Variants in SPTLC2 observed in about 807,000 individuals in gnomAD.
SPTLC2 encodes the protein serine palmitoyltransferase long chain base subunit 2.
In SPTLC2, 21 loss-of-function variants were observed where a neutral mutation model predicts 62.0. The observed-to-expected ratio is 0.34, with a 90% confidence interval of 0.24 to 0.49. SPTLC2 has a LOEUF of 0.49. Ranked by LOEUF, SPTLC2 falls within the 20% of genes least tolerant of loss-of-function variation. The pLI is 0.99. For synonymous variants in SPTLC2, 261 were observed against 261.8 expected, an observed-to-expected ratio of 1.00 and a Z score of 0.03; for missense variants, 511 against 713.0, an observed-to-expected ratio of 0.72 and a Z score of 3.23.
chr14:77,581,101 G>A (rs1479833950), intron 2 of SPTLC2, among the ~76,000 whole-genome samples: 2 of 152,174 alleles, frequency 1.3e-5, no homozygotes, highest in South Asian at 4.1e-4. Flanking sequence ...ACAAGAAAAC[G>A]AAACTACAGT....
chr14:77,582,028 T>C (rs1198316865), intron 2 of SPTLC2, among the ~76,000 whole-genome samples: 1 of 151,158 alleles, frequency 6.6e-6, no homozygotes, highest in African/African-American at 2.4e-5. Flanking sequence ...CAGTACTGAT[T>C]ATCTCATTTC....
At chr14:77,522,349 G>A (rs1003085186) in intron 9 of SPTLC2, among the ~76,000 whole-genome samples, 4 of 152,080 alleles carry the variant, frequency 2.6e-5, no homozygotes, top group African/African-American at 9.7e-5. Context: ...TTTTAGTAGA[G>A]ACAGGGTTTC....
At chr14:77,516,764 A>AG (rs2079361478) in intron 11 of SPTLC2, among the ~76,000 whole-genome samples, 1 of 152,242 alleles carries the variant, frequency 6.6e-6, no homozygotes, top group African/African-American at 2.4e-5. Flanking sequence ...ATTTGTTAAG[A>AG]GGACAGATCT....
chr14:77,560,831 G>T (rs1031345853), intron 6 of SPTLC2, among the ~76,000 whole-genome samples: 8 of 151,692 alleles, frequency 5.3e-5, no homozygotes, highest in African/African-American at 1.9e-4. Flanking sequence ...ACACGACTAA[G>T]GGAACAACAG....
At chr14:77,524,483 C>A (rs1314209413) in intron 9 of SPTLC2, among the ~76,000 whole-genome samples, 1 of 151,482 alleles carries the variant, frequency 6.6e-6, no homozygotes, top group Non-Finnish European at 1.5e-5. Context: ...ATGGAACTAC[C>A]ATACAATCCA....
chr14:77,576,527 C>G (rs1432634484), intron 4 of SPTLC2, among the ~76,000 whole-genome samples: 1 of 152,168 alleles, frequency 6.6e-6, no homozygotes. Flanking sequence ...CAAACACTGG[C>G]AGGATTTTTC....
At chr14:77,551,991 C>G (rs555700001) in intron 9 of SPTLC2, 105 bp downstream of exon 9, 11 of 1,511,700 alleles carry the variant, frequency 7.3e-6, no homozygotes, top group Middle Eastern at 3.4e-4. Context: ...CCAGCTCTGC[C>G]TATTAGTAAA....
intron 4 of SPTLC2, among the ~76,000 whole-genome samples, chr14:77,570,940 G>T (rs1459026364): frequency 6.6e-6 from 1 of 152,136 alleles, no homozygotes; most frequent in Non-Finnish European, 1.5e-5. Context: ...ATGGAAGGAG[G>T]AGAGAAAGAC....
intron 9 of SPTLC2, among the ~76,000 whole-genome samples, chr14:77,533,167 G>A (rs1009160146): frequency 1.3e-5 from 2 of 152,014 alleles, no homozygotes; most frequent in African/African-American, 2.4e-5. Flanking sequence ...GGGCGTGGTG[G>A]TGCACGCCTG....
chr14:77,524,834 T>C (rs1040028668), intron 9 of SPTLC2, among the ~76,000 whole-genome samples: 2 of 152,144 alleles, frequency 1.3e-5, no homozygotes, highest in African/African-American at 4.8e-5. Flanking sequence ...AGAACAGTGG[T>C]TACCAGAGGC....
rs1213548043 is a variant in SPTLC2, at chr14:77,509,508, G to A, written c.*2776C>T. 2.2e-5 allele frequency: 4 copies of A among 183,234 alleles called. No homozygotes were observed. The highest frequency in any genetic ancestry group is 4.5e-5 in the Non-Finnish European group (4 of 88,948). The allele number at this position is 183,234 out of a possible 1,614,324, so 11.4% of individuals were successfully genotyped here. A position where few individuals can be genotyped will look rare whatever the true frequency, so the allele number is the denominator to read the frequency against. ...AGGACTAGTCACACCTCTATCAATC[G>A]ACTCAGATGATCAGTTTTGGTAGTC... On this transcript the variant is annotated 3_prime_UTR_variant, in exon 12 of 12. Coordinates refer to ENST00000216484, the MANE Select transcript of SPTLC2 (RefSeq NM_004863.4).
intron 1 of SPTLC2, among the ~76,000 whole-genome samples, chr14:77,600,645 G>T (rs1245262750): frequency 6.6e-6 from 1 of 152,136 alleles, no homozygotes; most frequent in Non-Finnish European, 1.5e-5. Context: ...GTATCAGTCT[G>T]TTCACAGTCT....
intron 1 of SPTLC2, among the ~76,000 whole-genome samples, chr14:77,606,098 G>A (rs527297738): frequency 1.1e-4 from 16 of 152,310 alleles, no homozygotes; most frequent in East Asian, 3.9e-4. Context: ...TTGGGAGGCC[G>A]AGGCAGGCTG....
chr14:77,534,217 C>CGT (rs1177964069), intron 9 of SPTLC2, among the ~76,000 whole-genome samples: 13 of 97,658 alleles, frequency 1.3e-4, no homozygotes, highest in African/African-American at 5.3e-4. Flanking sequence ...CACACACACA[C>CGT]ACAAATGCAT....
intron 9 of SPTLC2, 51 bp downstream of exon 9, chr14:77,552,045 G>T: frequency 6.2e-7 from 1 of 1,609,158 alleles, no homozygotes; most frequent in South Asian, 1.1e-5. Context: ...AAAACAGCAC[G>T]TTTGGCTGCT....
At chr14:77,583,525 G>T (rs2299919) in intron 2 of SPTLC2, among the ~76,000 whole-genome samples, 2 of 151,928 alleles carry the variant, frequency 1.3e-5, no homozygotes, top group African/African-American at 4.8e-5. Context: ...AGTTCTCTCC[G>T]CAAAGAGTGA....
chr14:77,605,954 C>A (rs2079902591), intron 1 of SPTLC2, among the ~76,000 whole-genome samples: 1 of 152,192 alleles, frequency 6.6e-6, no homozygotes, highest in Non-Finnish European at 1.5e-5. Context: ...TGTTTTATAC[C>A]TCATTGTATC....
At chr14:77,527,733 ACTG>A (rs1297403776) in intron 9 of SPTLC2, among the ~76,000 whole-genome samples, 1 of 72,030 alleles carries the variant, frequency 1.4e-5, no homozygotes, top group Non-Finnish European at 2.9e-5. Context: ...AACGCTCAAG[ACTG>A]CTTTTTTTTT....
At chr14:77,531,446 C>CTT (rs1566770725) in intron 9 of SPTLC2, among the ~76,000 whole-genome samples, 7 of 103,728 alleles carry the variant, frequency 6.7e-5, no homozygotes, top group African/African-American at 3.4e-4. Flanking sequence ...TTCTTCTTCT[C>CTT]CTCCTTCTCC....
Sources: gnomAD v4.1 joint callset for allele counts (sites outside exome capture counted in the v4.1 genomes callset) on GRCh38, gnomAD v4.1.1 for gene constraint, MANE v1.5 for transcripts, NCBI Gene and HGNC (gene_info 2026-07-23, HGNC 2026-07-21) for gene names.